The following ATP13A4 variants were observed in gnomAD, a reference collection of about 807,000 sequenced individuals.
The protein encoded by ATP13A4 is ATPase 13A4, also known as probable cation-transporting ATPase 13A4.
In ATP13A4, 114 loss-of-function variants were observed where a neutral mutation model predicts 142.5. That is an observed-to-expected ratio of 0.80 (90% CI 0.69 to 0.93). The LOEUF is 0.93. ATP13A4 is among the 40% of genes least tolerant of loss of function. ATP13A4 has a pLI of 0.00. For synonymous variants in ATP13A4, 488 were observed against 514.8 expected (o/e 0.95, Z 0.70); for missense variants, 1,392 against 1,454.0 (o/e 0.96, Z 0.69).
chr3:193,499,573 C>T (rs1171885480), intron 3 of ATP13A4, among the ~76,000 whole-genome samples: 1 of 152,188 alleles, frequency 6.6e-6, no homozygotes, highest in African/African-American at 2.4e-5. Flanking sequence ...AATTTGAACT[C>T]CAGCCCATCT....
chr3:193,467,307 G>A lies in ATP13A4; in HGVS notation c.1114+9C>T, dbSNP rs1427652161. On this transcript the variant is annotated intron_variant, in intron 10 of 29. Coordinates refer to ENST00000342695, the MANE Select transcript of ATP13A4 (RefSeq NM_032279.4). ...CCATTAAAAATAAGAAAAAGGAGGG[G>A]ATGCTAACCAGTCTGCAGTACCACG... 1 of 1,614,024 alleles carries A rather than the reference G, an allele frequency of 6.2e-7. No individual in the cohort carries two copies. Among genetic ancestry groups the A allele is most frequent in the Non-Finnish European group, 8.5e-7 (1 of 1,179,942 alleles).
At chr3:193,440,328 A>C in intron 21 of ATP13A4, 1 of 744,126 alleles carries the variant, frequency 1.3e-6, no homozygotes, top group South Asian at 1.9e-5. Flanking sequence ...ACTTAAGTGA[A>C]AAAAAATACT....
chr3:193,572,784 G>A (rs1724297214), intron 2 of ATP13A4, among the ~76,000 whole-genome samples: 1 of 151,986 alleles, frequency 6.6e-6, no homozygotes, highest in Admixed American at 6.6e-5. Context: ...CAGCTGATGG[G>A]AATGTAAAGG....
intron 2 of ATP13A4, among the ~76,000 whole-genome samples, chr3:193,573,420 G>A (rs77314395): frequency 0.027 from 4,013 of 150,334 alleles, 191 homozygotes; most frequent in African/African-American, 0.095. Flanking sequence ...TTCACCATCT[G>A]GTGACAAATG....
intron 29 of ATP13A4, among the ~76,000 whole-genome samples, chr3:193,407,096 T>A (rs553789808): frequency 6.6e-6 from 1 of 152,284 alleles, no homozygotes; most frequent in African/African-American, 2.4e-5. Flanking sequence ...AGACCATAAT[T>A]CCATTCTCCC....
At chr3:193,491,474 G>A in intron 5 of ATP13A4, 76 bp from the exon 6 acceptor site, 1 of 1,072,992 alleles carries the variant, frequency 9.3e-7, no homozygotes, top group East Asian at 2.4e-5. Flanking sequence ...TCAGAAAAAG[G>A]TCTATTCCAT....
In ATP13A4 at chr3:193,442,433, G is replaced by A. The variant is rs528038747; in HGVS notation, c.2276C>T (p.Thr759Met). The change falls in exon 19 of 30, where the codon ACG (threonine) becomes ATG (methionine). Residue 759 changes from threonine (T) to methionine (M), a missense_variant. By Grantham distance (81) the Thr-to-Met change is moderately conservative (BLOSUM62 -1). Transcript: ENST00000342695. Reference protein sequence around the residue: ...TGSSSASISWTLVEEKKHIMY... With the variant: ...TGSSSASISWMLVEEKKHIMY... ...AATGTGTTTCTTCTCTTCTACTAAC[G>A]TCCAAGATATAGATGCTGATGAGGA... 49 of 1,613,974 alleles carry A rather than the reference G, an allele frequency of 3.0e-5. No homozygotes were observed. Among genetic ancestry groups the A allele is most frequent in the East Asian group, 1.3e-4 (6 of 44,874 alleles).
chr3:193,419,720 C>G (rs909057001), intron 25 of ATP13A4, among the ~76,000 whole-genome samples: 2 of 150,146 alleles, frequency 1.3e-5, no homozygotes, highest in African/African-American at 4.9e-5. Context: ...TCCCTTCCCC[C>G]AACAGGAAAA....
At position 193,448,277 on chromosome 3, in the gene ATP13A4, C is replaced by T. The variant is rs144335118; in HGVS notation, c.2081G>A (p.Arg694Gln). The T allele has an allele frequency of 6.2e-6, 10 of 1,614,012 alleles. No individual in the cohort carries two copies. The highest frequency in any genetic ancestry group is 1.6e-4 in the Middle Eastern group (1 of 6,084). The change falls in exon 18 of 30, where the codon CGA becomes CAA. Residue 694 changes from arginine (R) to glutamine (Q), a missense_variant. By Grantham distance (43) the Arg-to-Gln change is conservative (BLOSUM62 1). Transcript: ENST00000342695. ...GACAGGTTTTGTCTCTTCCTTCAAT[C>T]GATTCTCCAAGATCAGCAGCCCCAG... ...IFLGLLILENRLKEETKPVLE... is the reference protein window; with the variant it reads ...IFLGLLILENQLKEETKPVLE...
At chr3:193,421,281 A>G (rs994499571) in intron 25 of ATP13A4, among the ~76,000 whole-genome samples, 1 of 149,636 alleles carries the variant, frequency 6.7e-6, no homozygotes, top group Non-Finnish European at 1.5e-5. Flanking sequence ...GTGCTGAAAG[A>G]AAATAAAAAC....
intron 3 of ATP13A4, among the ~76,000 whole-genome samples, chr3:193,501,472 C>A (rs1360673797): frequency 6.6e-6 from 1 of 151,822 alleles, no homozygotes; most frequent in Non-Finnish European, 1.5e-5. Context: ...CCTGTATTCC[C>A]AGCTACTTTG....
At chr3:193,580,127 G>A (rs1453102475) in intron 2 of ATP13A4, among the ~76,000 whole-genome samples, 2 of 152,142 alleles carry the variant, frequency 1.3e-5, no homozygotes, top group African/African-American at 2.4e-5. Context: ...ATAAATATGT[G>A]AATCCAATCT....
rs1380928450 is a variant in ATP13A4, at chr3:193,441,562, T to C, written c.2343A>G (p.Glu781=). The change falls in exon 20 of 30, where the codon GAA becomes GAG. Residue 781 remains glutamate, a synonymous_variant. Transcript: ENST00000342695. ...NQDNYINIRD[E]VSDKGREGSY... is the part of the protein sequence containing the mutation. ...TTCCTTCTCTGCCTTTATCAGAGACTTCATCCCTGATGTTAATGTAATTGT... is the reference window on the plus strand; with the variant it reads ...TTCCTTCTCTGCCTTTATCAGAGACCTCATCCCTGATGTTAATGTAATTGT... The C allele has an allele frequency of 6.2e-7, 1 of 1,612,796 alleles. No homozygotes were observed. Among genetic ancestry groups the C allele is most frequent in the Non-Finnish European group, 8.5e-7 (1 of 1,178,968 alleles).
chr3:193,451,517 A>C (rs1359092753), intron 17 of ATP13A4, among the ~76,000 whole-genome samples: 1 of 152,210 alleles, frequency 6.6e-6, no homozygotes, highest in East Asian at 1.9e-4. Flanking sequence ...GAACCAAAAA[A>C]ATTAAAAGGA....
intron 2 of ATP13A4, among the ~76,000 whole-genome samples, chr3:193,573,993 G>A (rs568366144): frequency 2.0e-5 from 3 of 152,118 alleles, no homozygotes; most frequent in African/African-American, 7.2e-5. Context: ...ATGAGGGGAG[G>A]GAGGAGAGTA....
At chr3:193,438,880 G>A (rs1386650748) in intron 22 of ATP13A4, 143 bp downstream of exon 22, 5 of 909,782 alleles carry the variant, frequency 5.5e-6, no homozygotes, top group Non-Finnish European at 9.1e-6. Flanking sequence ...GAATGTAAAT[G>A]GTATATATGC....
At chr3:193,540,869 G>A (rs1722857757) in intron 1 of ATP13A4, among the ~76,000 whole-genome samples, 1 of 152,124 alleles carries the variant, frequency 6.6e-6, no homozygotes, top group African/African-American at 2.4e-5. Flanking sequence ...TTTGCCGTGG[G>A]TGACGGCATC....
chr3:193,592,232 A>G (rs1375537457), intron 1 of ATP13A4, among the ~76,000 whole-genome samples: 1 of 152,128 alleles, frequency 6.6e-6, no homozygotes, highest in Non-Finnish European at 1.5e-5. Flanking sequence ...AATTGGCTTC[A>G]TAACCGTTCA....
At chr3:193,445,390 C>T (rs1260446551) in intron 18 of ATP13A4, among the ~76,000 whole-genome samples, 2 of 151,702 alleles carry the variant, frequency 1.3e-5, no homozygotes, top group Non-Finnish European at 2.9e-5. Flanking sequence ...GAGCCGAGAT[C>T]GCACCACTGC....
Sources: gnomAD v4.1 joint callset for allele counts (sites outside exome capture counted in the v4.1 genomes callset) on GRCh38, gnomAD v4.1.1 for gene constraint, MANE v1.5 for transcripts, NCBI Gene and HGNC (gene_info 2026-07-23, HGNC 2026-07-21) for gene names.